Variants in CTNNA3 observed in about 807,000 individuals in gnomAD.
CTNNA3 encodes catenin alpha 3.
A neutral mutation model predicts 95.7 loss-of-function variants in CTNNA3; 76 were observed. The observed-to-expected ratio is 0.79, with a 90% CI of 0.66 to 0.96. The LOEUF (loss-of-function observed/expected upper bound fraction) is 0.96, where lower values mean the gene tolerates loss of function less well. CTNNA3 is among the 40% of genes least tolerant of loss of function. The probability of loss-of-function intolerance (pLI) is 0.00; values close to 1 mark genes in which losing one functional copy is unlikely to be tolerated. For synonymous variants in CTNNA3, 431 were observed against 374.4 expected, an observed-to-expected ratio of 1.15 and a Z score of -1.74; for missense variants, 1,191 against 1,089.8, an observed-to-expected ratio of 1.09 and a Z score of -1.31.
intron 12 of CTNNA3, among the ~76,000 whole-genome samples, chr10:66,308,247 C>G (rs1446521199): frequency 6.6e-6 from 1 of 152,110 alleles, no homozygotes. Context: ...TGGTATTGTT[C>G]ATAAATTAAT....
chr10:66,749,390 C>T lies in CTNNA3; in HGVS notation c.1281+16874G>A, dbSNP rs544580207. Among the ~76,000 whole-genome samples, 201 of 152,154 alleles carry T rather than the reference C, an allele frequency of 1.3e-3. 1 individual carries two copies. Among genetic ancestry groups the T allele is most frequent in the Non-Finnish European group, 2.2e-3 (148 of 67,998 alleles). ...CCTCACCTCTCCCTCTTCACTATCC[C>T]CTGGCAACCACTAATCTTTTACTGT... On this transcript the variant is annotated intron_variant, in intron 9 of 17. Coordinates refer to ENST00000433211, the MANE Select transcript of CTNNA3 (RefSeq NM_013266.4).
intron 7 of CTNNA3, among the ~76,000 whole-genome samples, chr10:67,028,518 G>T (rs4347275): frequency 0.31 from 47,427 of 151,596 alleles, 8,617 homozygotes; most frequent in East Asian, 0.53. Context: ...AAGACTTTAG[G>T]CAAATAGTCA....
At chr10:67,151,446 A>T (rs1202751272) in intron 7 of CTNNA3, among the ~76,000 whole-genome samples, 2 of 152,206 alleles carry the variant, frequency 1.3e-5, no homozygotes, top group Non-Finnish European at 2.9e-5. Context: ...AAAAGTGCCC[A>T]ATCACTTTAA....
chr10:67,045,240 A>G (rs1219941675), intron 7 of CTNNA3, among the ~76,000 whole-genome samples: 1 of 152,202 alleles, frequency 6.6e-6, no homozygotes, highest in Admixed American at 6.5e-5. Flanking sequence ...AACATTTATT[A>G]AATACCTGTT....
intron 7 of CTNNA3, chr10:66,926,151 T>TC (rs1278583436): frequency 2.2e-6 from 1 of 460,724 alleles, no homozygotes; most frequent in Non-Finnish European, 4.3e-6. Flanking sequence ...AACTGGGTGC[T>TC]CATCACGGGA....
chr10:66,298,878 C>T (rs913020106), intron 12 of CTNNA3, among the ~76,000 whole-genome samples: 46 of 152,166 alleles, frequency 3.0e-4, no homozygotes, highest in Non-Finnish European at 7.4e-5. Flanking sequence ...GAAAATAAAT[C>T]TTGGAGCCCC....
At chr10:66,252,320 A>C (rs1332808266) in intron 13 of CTNNA3, among the ~76,000 whole-genome samples, 1 of 152,128 alleles carries the variant, frequency 6.6e-6, no homozygotes, top group Non-Finnish European at 1.5e-5. Context: ...CAAATGTTTA[A>C]ATATTTTAGT....
intron 7 of CTNNA3, among the ~76,000 whole-genome samples, chr10:67,070,976 A>G (rs953411868): frequency 3.3e-5 from 5 of 152,182 alleles, no homozygotes; most frequent in African/African-American, 9.7e-5. Context: ...GAATTGCAAC[A>G]TGCATTCTTG....
chr10:66,014,688 A>C (rs2133402745), intron 15 of CTNNA3, among the ~76,000 whole-genome samples: 1 of 152,266 alleles, frequency 6.6e-6, no homozygotes, highest in Middle Eastern at 3.4e-3. Context: ...TACTTGAAAT[A>C]CTTTTTACAA....
intron 12 of CTNNA3, among the ~76,000 whole-genome samples, chr10:66,283,801 T>C (rs2091535591): frequency 1.3e-5 from 2 of 151,898 alleles, no homozygotes; most frequent in East Asian, 1.9e-4. Flanking sequence ...GGACATATGG[T>C]TGCTTGGATC....
At chr10:66,925,712 T>A (rs1417188134) in intron 7 of CTNNA3, among the ~76,000 whole-genome samples, 1 of 152,194 alleles carries the variant, frequency 6.6e-6, no homozygotes, top group Non-Finnish European at 1.5e-5. Context: ...GCGTTGAGGT[T>A]AAGAAAAATT....
At chr10:66,304,057 A>C (rs1334332669) in intron 12 of CTNNA3, among the ~76,000 whole-genome samples, 1 of 152,182 alleles carries the variant, frequency 6.6e-6, no homozygotes, top group Non-Finnish European at 1.5e-5. Flanking sequence ...ATCCAGAAAA[A>C]TAAAAACAAC....
intron 13 of CTNNA3, among the ~76,000 whole-genome samples, chr10:66,235,256 A>G (rs1472713367): frequency 6.6e-6 from 1 of 152,168 alleles, no homozygotes; most frequent in African/African-American, 2.4e-5. Context: ...AGTATACAAT[A>G]TATCAAATTG....
intron 13 of CTNNA3, among the ~76,000 whole-genome samples, chr10:66,275,511 A>C (rs138617550): frequency 6.6e-6 from 1 of 152,254 alleles, no homozygotes; most frequent in African/African-American, 2.4e-5. Flanking sequence ...GTAGAAATTC[A>C]GTAGTGTTCT....
chr10:67,715,690 G>A (rs1051838547), intron 1 of CTNNA3, among the ~76,000 whole-genome samples: 8 of 152,108 alleles, frequency 5.3e-5, no homozygotes, highest in Non-Finnish European at 1.2e-4. Flanking sequence ...ACTGGCAGAA[G>A]CCTAGTTACA....
At chr10:65,997,757 C>T (rs948698303) in intron 15 of CTNNA3, among the ~76,000 whole-genome samples, 1 of 152,166 alleles carries the variant, frequency 6.6e-6, no homozygotes, top group Non-Finnish European at 1.5e-5. Context: ...TGGCTTCTGC[C>T]TGTAATCCCA....
intron 7 of CTNNA3, among the ~76,000 whole-genome samples, chr10:67,060,879 G>GT: frequency 6.6e-6 from 1 of 152,260 alleles, no homozygotes; most frequent in East Asian, 1.9e-4. Flanking sequence ...ACTTTAACTA[G>GT]TTTTTTTAAA....
At chr10:65,981,695 A>T (rs868416998) in intron 16 of CTNNA3, among the ~76,000 whole-genome samples, 1 of 152,018 alleles carries the variant, frequency 6.6e-6, no homozygotes, top group African/African-American at 2.4e-5. Context: ...ATAAAGCCAA[A>T]TGCTTACAGT....
At chr10:67,299,243 T>A (rs1840168282) in intron 5 of CTNNA3, among the ~76,000 whole-genome samples, 2 of 151,976 alleles carry the variant, frequency 1.3e-5, no homozygotes. Flanking sequence ...AAAAATGTCA[T>A]TCCAGGAGCT....
Sources: gnomAD v4.1 joint callset for allele counts (sites outside exome capture counted in the v4.1 genomes callset) on GRCh38, gnomAD v4.1.1 for gene constraint, MANE v1.5 for transcripts, NCBI Gene and HGNC (gene_info 2026-07-23, HGNC 2026-07-21) for gene names.